Variants in TMC2 observed in about 807,000 individuals in gnomAD.
TMC2 encodes transmembrane channel-like protein 2.
A neutral mutation model predicts 105.9 loss-of-function variants in TMC2; 102 were observed. The ratio of observed to expected loss-of-function variants is 0.96; its 90% CI spans 0.82 to 1.14. The LOEUF (loss-of-function observed/expected upper bound fraction) is 1.14, where lower values mean the gene tolerates loss of function less well. Among genes scored for constraint, TMC2 ranks in the 50% most tolerant of loss-of-function variants. TMC2 has a pLI of 0.00. For synonymous variants in TMC2, 402 were observed against 422.8 expected, an observed-to-expected ratio of 0.95 and a Z score of 0.60; for missense variants, 1,093 against 1,134.3, an observed-to-expected ratio of 0.96 and a Z score of 0.52.
intron 2 of TMC2, among the ~76,000 whole-genome samples, chr20:2,543,473 C>T (rs953590807): frequency 2.0e-5 from 3 of 152,160 alleles, no homozygotes; most frequent in African/African-American, 7.2e-5. Context: ...AGAATCACAA[C>T]ATAATAGTCC....
At chr20:2,580,129 T>C in intron 7 of TMC2, 73 bp downstream of exon 7, 1 of 855,624 alleles carries the variant, frequency 1.2e-6, no homozygotes, top group South Asian at 1.7e-5. Context: ...ATCAACCAAA[T>C]ACTTCCTGTT....
At chr20:2,585,676 T>C (rs1384337128) in intron 7 of TMC2, among the ~76,000 whole-genome samples, 2 of 152,240 alleles carry the variant, frequency 1.3e-5, no homozygotes, top group Non-Finnish European at 2.9e-5. Context: ...TCAGAAAATC[T>C]GCTTCCAACC....
At chr20:2,638,148 T>G (rs917767074) in intron 19 of TMC2, among the ~76,000 whole-genome samples, 88 of 152,106 alleles carry the variant, frequency 5.8e-4, no homozygotes, top group Non-Finnish European at 9.6e-4. Context: ...GAGGCCATCC[T>G]GGCTGACACG....
At chr20:2,633,098 G>A (rs1027570574) in intron 17 of TMC2, among the ~76,000 whole-genome samples, 8 of 152,208 alleles carry the variant, frequency 5.3e-5, no homozygotes, top group Non-Finnish European at 1.0e-4. Flanking sequence ...TCTGTGCTCA[G>A]TTAGCTTAGT....
chr20:2,612,119 T>C, intron 12 of TMC2, 72 bp from the exon 13 acceptor site: 2 of 1,442,428 alleles, frequency 1.4e-6, no homozygotes, highest in Non-Finnish European at 1.9e-6. Context: ...TTGCTGGCTT[T>C]CACTGTTCTT....
intron 17 of TMC2, among the ~76,000 whole-genome samples, chr20:2,635,356 C>CT (rs5839966): frequency 0.76 from 115,140 of 152,036 alleles, 43,735 homozygotes; most frequent in East Asian, 0.87. Flanking sequence ...ACCTCCACCT[C>CT]CCCCTCTCAG....
intron 6 of TMC2, among the ~76,000 whole-genome samples, chr20:2,579,507 C>A (rs1433736185): frequency 6.6e-6 from 1 of 151,732 alleles, no homozygotes; most frequent in East Asian, 1.9e-4. Flanking sequence ...CTGCAACCTT[C>A]ACCTCCTAGG....
chr20:2,617,096 C>A lies in TMC2; in HGVS notation c.1965C>A (p.Gly655=). 6.2e-7 allele frequency: 1 copy of A among 1,614,192 alleles called. No individual in the cohort carries two copies. The change falls in exon 16 of 20, where the codon GGC becomes GGA. Residue 655 remains glycine (G), a synonymous_variant. Coordinates refer to ENST00000358864, the MANE Select transcript of TMC2 (RefSeq NM_080751.3). ...GGATGGGCTCCTTCTATGCTCCAGG[C>A]CTGGTGGGCATTAATGTGCTGCGCC... ...MIWMGSFYAP[G]LVGINVLRLL... is the part of the protein sequence containing the mutation.
intron 16 of TMC2, among the ~76,000 whole-genome samples, chr20:2,620,045 C>T (rs1256042356): frequency 6.6e-6 from 1 of 152,012 alleles, no homozygotes; most frequent in East Asian, 1.9e-4. Context: ...CACCACTGCA[C>T]TCCAGCCTGG....
At chr20:2,594,250 C>G (rs1338296842) in intron 8 of TMC2, among the ~76,000 whole-genome samples, 1 of 78,476 alleles carries the variant, frequency 1.3e-5, no homozygotes, top group Non-Finnish European at 2.8e-5. Flanking sequence ...TTTTTTGAGA[C>G]AGAGTCTCCC....
At chr20:2,544,599 A>G (rs1292750022) in intron 2 of TMC2, among the ~76,000 whole-genome samples, 2 of 152,160 alleles carry the variant, frequency 1.3e-5, no homozygotes, top group African/African-American at 4.8e-5. Flanking sequence ...CCACCTTGGG[A>G]GATCAATATC....
intron 7 of TMC2, among the ~76,000 whole-genome samples, chr20:2,584,832 T>C (rs2086221514): frequency 6.6e-6 from 1 of 152,118 alleles, no homozygotes; most frequent in African/African-American, 2.4e-5. Context: ...ACAATTTGCA[T>C]CAAGTAAAAT....
chr20:2,540,219 T>C (rs535431697), intron 2 of TMC2, among the ~76,000 whole-genome samples: 5 of 151,670 alleles, frequency 3.3e-5, no homozygotes, highest in African/African-American at 1.2e-4. Context: ...CTCAAACTCA[T>C]ACCTCGTGAT....
rs576021930 is a variant in TMC2, at chr20:2,581,416, T to C, written c.834+1360T>C. 1.1e-4 allele frequency among the ~76,000 whole-genome samples: 17 copies of C among 152,346 alleles called. No homozygotes were observed. In the South Asian group the frequency reaches 3.5e-3, roughly 32 times the overall value. ...TGAGTCCACTGAGCCCTACATATAT[T>C]CTTATGCCAATATCACTCTCTGACC... On this transcript the variant is annotated intron_variant, in intron 7 of 19. Coordinates refer to ENST00000358864, the MANE Select transcript of TMC2 (RefSeq NM_080751.3).
intron 7 of TMC2, among the ~76,000 whole-genome samples, chr20:2,589,205 T>C (rs2086250864): frequency 6.6e-6 from 1 of 151,718 alleles, no homozygotes; most frequent in African/African-American, 2.4e-5. Flanking sequence ...TTTTACTTTC[T>C]GAGTAAAATC....
intron 7 of TMC2, among the ~76,000 whole-genome samples, chr20:2,589,831 G>A (rs565483328): frequency 4.6e-5 from 7 of 152,154 alleles, no homozygotes; most frequent in African/African-American, 1.4e-4. Flanking sequence ...CACCATGCCC[G>A]GCTAATTTTT....
In TMC2 at chr20:2,612,311, G is replaced by C. The variant is rs370789432; in HGVS notation, c.1714G>C (p.Gly572Arg). ...PPLHPADVPR[G>R]SCWETAVGIE... ...CCTGCACCCTGCAGATGTGCCCCGG[G>C]GTTCTTGCTGGGAGACAGCTGTGGG... is the stretch of plus-strand genomic sequence containing the variant. Residue 572 changes from glycine (G) to arginine (R), a missense_variant, in exon 13 of 20, where the codon GGT becomes CGT. Physicochemically the swap from Gly to Arg is moderately radical, Grantham distance 125 (BLOSUM62 -2). Transcript: ENST00000358864. 3 of 1,586,812 alleles carry C rather than the reference G, an allele frequency of 1.9e-6. No individual in the cohort carries two copies. Among genetic ancestry groups the C allele is most frequent in the African/African-American group, 2.7e-5 (2 of 74,644 alleles).
At chr20:2,610,332 T>A in intron 11 of TMC2, 87 bp from the exon 12 acceptor site, 1 of 1,251,642 alleles carries the variant, frequency 8.0e-7, no homozygotes, top group Non-Finnish European at 1.1e-6. Context: ...AGCAGAGAAG[T>A]GGAGATGGAT....
At chr20:2,536,831 C>T (rs148046602) in intron 1 of TMC2, among the ~76,000 whole-genome samples, 176 bp downstream of exon 1, 78 of 152,332 alleles carry the variant, frequency 5.1e-4, no homozygotes, top group Non-Finnish European at 8.5e-4. Context: ...CTGATCCTCA[C>T]GCATGAGATG....
Sources: gnomAD v4.1 joint callset for allele counts (sites outside exome capture counted in the v4.1 genomes callset) on GRCh38, gnomAD v4.1.1 for gene constraint, MANE v1.5 for transcripts, NCBI Gene and HGNC (gene_info 2026-07-23, HGNC 2026-07-21) for gene names.